The following RBM20 variants were observed in gnomAD, a reference collection of about 807,000 sequenced individuals.
The protein encoded by RBM20 is RNA binding motif protein 20, also known as RNA-binding protein 20.
RBM20 carries 51 observed loss-of-function variants against 110.1 expected under a neutral mutation model. The observed-to-expected ratio is 0.46, with a 90% CI of 0.37 to 0.59. The LOEUF (loss-of-function observed/expected upper bound fraction) is 0.59. Among genes scored for constraint, RBM20 ranks in the 20% least tolerant of loss-of-function variants. The pLI is 0.00. For missense variants in RBM20, 1,512 were observed against 1,574.9 expected (o/e 0.96, Z 0.68); for synonymous variants, 589 against 618.2 (o/e 0.95, Z 0.70).
At chr10:110,813,275 C>T (rs937314944) in intron 9 of RBM20, among the ~76,000 whole-genome samples, 1 of 152,208 alleles carries the variant, frequency 6.6e-6, no homozygotes, top group African/African-American at 2.4e-5. Context: ...TCCCATGGCA[C>T]CTGTTGCCTT....
intron 1 of RBM20, among the ~76,000 whole-genome samples, chr10:110,708,361 G>A (rs1862872775): frequency 6.6e-6 from 1 of 152,108 alleles, no homozygotes; most frequent in African/African-American, 2.4e-5. Context: ...TTATCAGATT[G>A]TTTTTTTCTG....
At chr10:110,724,410 G>C (rs1269686414) in intron 1 of RBM20, among the ~76,000 whole-genome samples, 1 of 152,206 alleles carries the variant, frequency 6.6e-6, no homozygotes, top group Non-Finnish European at 1.5e-5. Context: ...TCTTTGTTGA[G>C]AGAGGAAGTC....
rs1371585451 is a variant in RBM20 at position 110,781,573 on chromosome 10, C to T, written c.964C>T (p.Pro322Ser). ...LQGTNSQWESPHGFSGQSKPD... is the reference protein window; with the variant it reads ...LQGTNSQWESSHGFSGQSKPD... ...GGGCACAAACAGCCAATGGGAGAGCCCCCATGGATTCTCGGGCCAAAGCAA... is the reference window on the plus strand; with the variant it reads ...GGGCACAAACAGCCAATGGGAGAGCTCCCATGGATTCTCGGGCCAAAGCAA... Residue 322 changes from proline (P) to serine (S), a missense_variant, in exon 2 of 14, where the codon CCC becomes TCC. Around this residue, in one of 3 missense-constraint regions of RBM20, gnomAD observed 1,149 missense variants for 1,169.4 expected, o/e 0.98. Coordinates refer to ENST00000369519, the MANE Select transcript of RBM20 (RefSeq NM_001134363.3). The T allele has an allele frequency of 6.4e-7, 1 of 1,551,694 alleles. No individual in the cohort carries two copies. Among genetic ancestry groups the T allele is most frequent in the East Asian group, 2.4e-5 (1 of 40,922 alleles).
chr10:110,724,743 G>A (rs1473086497), intron 1 of RBM20, among the ~76,000 whole-genome samples: 1 of 152,106 alleles, frequency 6.6e-6, no homozygotes, highest in Non-Finnish European at 1.5e-5. Context: ...GAATCATCTG[G>A]GGAATGAGAA....
chr10:110,766,821 G>C (rs1336105644), intron 1 of RBM20, among the ~76,000 whole-genome samples: 3 of 147,428 alleles, frequency 2.0e-5, no homozygotes, highest in East Asian at 4.1e-4. Context: ...ATCATGGCCC[G>C]TTCTCAATGA....
chr10:110,799,399 A>T (rs1844592578), intron 6 of RBM20, among the ~76,000 whole-genome samples: 1 of 152,212 alleles, frequency 6.6e-6, no homozygotes, highest in African/African-American at 2.4e-5. Flanking sequence ...GTTTATAAAA[A>T]GGTCTCTTTG....
intron 1 of RBM20, among the ~76,000 whole-genome samples, chr10:110,778,286 T>A (rs758384885): frequency 6.6e-6 from 1 of 152,226 alleles, no homozygotes; most frequent in African/African-American, 2.4e-5. Context: ...TAACAACTTA[T>A]AGGCAATTTT....
chr10:110,675,488 A>G (rs1411562755), intron 1 of RBM20, among the ~76,000 whole-genome samples: 1 of 152,174 alleles, frequency 6.6e-6, no homozygotes, highest in Non-Finnish European at 1.5e-5. Flanking sequence ...AACAGATAAC[A>G]ATTGTTATGT....
At chr10:110,806,090 T>A (rs983816327) in intron 7 of RBM20, among the ~76,000 whole-genome samples, 4 of 151,976 alleles carry the variant, frequency 2.6e-5, no homozygotes, top group African/African-American at 9.7e-5. Flanking sequence ...CTGACCAACA[T>A]GGTGAAACCT....
chr10:110,726,570 G>A (rs967526213), intron 1 of RBM20, among the ~76,000 whole-genome samples: 1 of 152,162 alleles, frequency 6.6e-6, no homozygotes. Context: ...CAGTGTCTTT[G>A]TCTGTGAGGT....
rs536096744 is a variant in RBM20 at position 110,787,974 on chromosome 10, C to G, written c.1527+3085C>G. On this transcript the variant is annotated intron_variant, in intron 5 of 13. Coordinates refer to ENST00000369519, the MANE Select transcript of RBM20 (RefSeq NM_001134363.3). ...GTATTAGCTCATTTAGTCCTCTAGA[C>G]AACCCCATGAGGTGGATACTATTAT... 2.0e-5 allele frequency among the ~76,000 whole-genome samples: 3 copies of G among 152,314 alleles called. No individual in the cohort carries two copies. The East Asian group carries it at 5.8e-4, about 29-fold the overall frequency.
intron 1 of RBM20, among the ~76,000 whole-genome samples, chr10:110,672,409 C>T (rs1181299718): frequency 1.3e-5 from 2 of 152,206 alleles, no homozygotes; most frequent in South Asian, 2.1e-4. Context: ...AGGGGAGGCT[C>T]CCCTCGCCGA....
intron 7 of RBM20, among the ~76,000 whole-genome samples, chr10:110,804,971 G>A (rs1844676333): frequency 6.6e-6 from 1 of 152,174 alleles, no homozygotes; most frequent in African/African-American, 2.4e-5. Flanking sequence ...CATTGGTCTT[G>A]CCAGCCTCCT....
chr10:110,718,745 G>A (rs1250111463), intron 1 of RBM20, among the ~76,000 whole-genome samples: 1 of 151,018 alleles, frequency 6.6e-6, no homozygotes, highest in Non-Finnish European at 1.5e-5. Flanking sequence ...CCAAGTAGCT[G>A]GGATTACAGG....
intron 5 of RBM20, among the ~76,000 whole-genome samples, chr10:110,794,545 C>T (rs911911742): frequency 6.6e-6 from 1 of 152,218 alleles, no homozygotes; most frequent in African/African-American, 2.4e-5. Context: ...ACTTGGCCTT[C>T]AGCCTGAGGG....
chr10:110,807,939 C>T (rs1844715832), intron 7 of RBM20, among the ~76,000 whole-genome samples: 1 of 152,212 alleles, frequency 6.6e-6, no homozygotes, highest in Admixed American at 6.5e-5. Flanking sequence ...GTGTGGCTTC[C>T]CGGCGATGGC....
intron 1 of RBM20, among the ~76,000 whole-genome samples, chr10:110,742,068 G>A (rs1843731055): frequency 6.6e-6 from 1 of 152,118 alleles, no homozygotes; most frequent in African/African-American, 2.4e-5. Flanking sequence ...ACCCTTTTTT[G>A]TAGATTAAAT....
In RBM20 at chr10:110,812,247, T is replaced by A. The variant is rs552663545; in HGVS notation, c.1881-31T>A. The stretch of plus-strand genomic sequence containing the variant: ...TGGGGTGGGATGGGAGGTGTGAAGA[T>A]TCTAAATCCTGCTCCTTGGCTCCCT... On this transcript the variant is annotated intron_variant, in intron 8 of 13. Transcript: ENST00000369519. The A allele has an allele frequency of 5.0e-5, 75 of 1,512,054 alleles. No homozygotes were observed. The African/African-American group carries it at 9.1e-4, about 18-fold the overall frequency. 93.7% of individuals were successfully genotyped at this position (1,512,054 alleles called of 1,614,324 possible). A position where few individuals can be genotyped will look rare whatever the true frequency, so the allele number is the denominator to read the frequency against.
chr10:110,799,763 G>A, intron 6 of RBM20, 24 bp from the exon 7 acceptor site: 2 of 1,546,330 alleles, frequency 1.3e-6, no homozygotes, highest in Non-Finnish European at 1.7e-6. Flanking sequence ...CAAGTCCAGT[G>A]AGTGTCCTTC....
Sources: allele counts gnomAD v4.1 joint callset (sites outside exome capture counted in the v4.1 genomes callset), GRCh38; gene constraint gnomAD v4.1.1; regional missense constraint gnomAD v4.1.1; transcripts MANE v1.5; gene names NCBI Gene and HGNC (gene_info 2026-07-23, HGNC 2026-07-21).